Variants in RNF13 observed in about 807,000 individuals in gnomAD.
RNF13 encodes the protein ring finger protein 13, also known as E3 ubiquitin-protein ligase RNF13.
In RNF13, 19 loss-of-function variants were observed where a neutral mutation model predicts 37.7. The ratio of observed to expected loss-of-function variants is 0.50; its 90% confidence interval spans 0.35 to 0.74. The LOEUF (loss-of-function observed/expected upper bound fraction) is 0.74, where lower values mean the gene tolerates loss of function less well. RNF13 is among the 30% of genes least tolerant of loss of function. RNF13 has a pLI of 0.01. For missense variants in RNF13, 375 were observed against 453.0 expected, an observed-to-expected ratio of 0.83 and a Z score of 1.56; for synonymous variants, 144 against 157.8, an observed-to-expected ratio of 0.91 and a Z score of 0.65.
intron 6 of RNF13, among the ~76,000 whole-genome samples, chr3:149,903,657 C>T (rs1716078707): frequency 6.6e-6 from 1 of 152,082 alleles, no homozygotes; most frequent in Non-Finnish European, 1.5e-5. Context: ...TCTTATCCCA[C>T]CTCTTGGCTA....
intron 2 of RNF13, among the ~76,000 whole-genome samples, chr3:149,848,728 GTGTT>G (rs1377178319): frequency 6.6e-6 from 1 of 151,668 alleles, no homozygotes. Context: ...GTTTTGTTTT[GTGTT>G]TTTTTTGTTT....
Position 149,865,119 on chromosome 3 carries a change from G to A in RNF13, c.196-6910G>A, listed in dbSNP as rs193056388. Among the ~76,000 whole-genome samples, 359 of 151,764 alleles carry A rather than the reference G, an allele frequency of 2.4e-3. 1 individual carries two copies. Among genetic ancestry groups the A allele is most frequent in the Middle Eastern group, 6.8e-3 (2 of 294 alleles). On this transcript the variant is annotated intron_variant, in intron 3 of 9. Coordinates refer to ENST00000392894, the MANE Select transcript of RNF13 (RefSeq NM_183381.3). ...GGGACAACCAAAATTCCAAAACCAAGAGAAGAAAAATTAGGCATTTGGAGT... is the reference window on the plus strand; with the variant it reads ...GGGACAACCAAAATTCCAAAACCAAAAGAAGAAAAATTAGGCATTTGGAGT...
chr3:149,868,634 C>CCTTT (rs1711612995), intron 3 of RNF13, among the ~76,000 whole-genome samples: 1 of 150,706 alleles, frequency 6.6e-6, no homozygotes, highest in Non-Finnish European at 1.5e-5. Flanking sequence ...TCTGTTCTTT[C>CCTTT]CTTTCTTTCT....
intron 8 of RNF13, among the ~76,000 whole-genome samples, chr3:149,924,319 GA>G (rs1718433213): frequency 6.6e-6 from 1 of 152,128 alleles, no homozygotes; most frequent in Non-Finnish European, 1.5e-5. Context: ...AGAGAGGTCT[GA>G]ACTGGAAATA....
chr3:149,921,191 C>A lies in RNF13; in HGVS notation c.664C>A (p.Gln222Lys). 7.0e-7 allele frequency: 1 copy of A among 1,428,294 alleles called. No individual in the cohort carries two copies. Among genetic ancestry groups the A allele is most frequent in the South Asian group, 1.7e-5 (1 of 59,386 alleles). 88.5% of individuals were successfully genotyped at this position (1,428,294 alleles called of 1,614,324 possible). A position where few individuals can be genotyped will look rare whatever the true frequency, so the allele number is the denominator to read the frequency against. ...TAGAAGAAACAGACTTCGTAAAGATCAACTTAAGAAACTTCCTGTACATAA... is the reference window on the plus strand; with the variant it reads ...TAGAAGAAACAGACTTCGTAAAGATAAACTTAAGAAACTTCCTGTACATAA... ...RARRNRLRKD[Q>K]LKKLPVHKFK... The change falls in exon 8 of 10, where the codon CAA becomes AAA. Residue 222 changes from glutamine to lysine, a missense_variant. Gln to Lys is a moderately conservative substitution (Grantham distance 53, BLOSUM62 1). Transcript: ENST00000392894.
intron 8 of RNF13, among the ~76,000 whole-genome samples, chr3:149,941,275 A>C (rs1720231335): frequency 6.6e-6 from 1 of 152,098 alleles, no homozygotes; most frequent in Non-Finnish European, 1.5e-5. Context: ...GTATCTCCTT[A>C]CTGCTTGCTC....
At chr3:149,948,324 A>G (rs1720977212) in intron 8 of RNF13, among the ~76,000 whole-genome samples, 1 of 152,104 alleles carries the variant, frequency 6.6e-6, no homozygotes, top group Admixed American at 6.6e-5. Context: ...TAGCCATTCA[A>G]TCAATGTCTT....
rs552740380 is a variant in RNF13, at chr3:149,920,392, C to T, written c.607-742C>T. On this transcript the variant is annotated intron_variant, in intron 7 of 9. Coordinates refer to ENST00000392894, the MANE Select transcript of RNF13 (RefSeq NM_183381.3). ...CTGGAACTACAGGCACACGGCAATG[C>T]GCCAGGCTAATTTTTTTCTTTTTAG... Among the ~76,000 whole-genome samples the T allele has an allele frequency of 4.2e-4, 64 of 151,706 alleles. 1 individual carries two copies. In the South Asian group the frequency reaches 0.013, roughly 30 times the overall value.
At chr3:149,836,388 C>A (rs1255305630) in intron 1 of RNF13, among the ~76,000 whole-genome samples, 1 of 151,890 alleles carries the variant, frequency 6.6e-6, no homozygotes, top group Non-Finnish European at 1.5e-5. Flanking sequence ...CAAGTCAAGA[C>A]CACAATGAGA....
At chr3:149,827,639 A>G (rs1208844708) in intron 1 of RNF13, among the ~76,000 whole-genome samples, 1 of 152,226 alleles carries the variant, frequency 6.6e-6, no homozygotes, top group Non-Finnish European at 1.5e-5. Flanking sequence ...ACACTAAACA[A>G]TAAACATAAC....
intron 2 of RNF13, 26 bp from the exon 3 acceptor site, chr3:149,852,490 T>C (rs763318915): frequency 8.4e-7 from 1 of 1,185,620 alleles, no homozygotes; most frequent in Non-Finnish European, 1.2e-6. Context: ...TGGTCTTAAC[T>C]TGAATATTTA....
chr3:149,935,930 A>G (rs1391220731), intron 8 of RNF13, among the ~76,000 whole-genome samples: 3 of 152,088 alleles, frequency 2.0e-5, no homozygotes, highest in Non-Finnish European at 4.4e-5. Context: ...TTTTTATAAG[A>G]TGAATTCCTT....
In RNF13 at chr3:149,895,562, T is replaced by A; in HGVS notation, c.409+2T>A. 6.5e-7 allele frequency: 1 copy of A among 1,549,688 alleles called. No individual in the cohort carries two copies. The highest frequency in any genetic ancestry group is 8.9e-7 in the Non-Finnish European group (1 of 1,127,814). On this transcript the variant is annotated splice_donor_variant, in intron 5 of 9. Coordinates refer to ENST00000392894, the MANE Select transcript of RNF13 (RefSeq NM_183381.3). LOFTEE classifies it high-confidence loss of function. ...TCATTAGCATGGGATCCAACGACAGTAAGTACAGGTATCACTTTTCTTCTC... is the reference window on the plus strand; with the variant it reads ...TCATTAGCATGGGATCCAACGACAGAAAGTACAGGTATCACTTTTCTTCTC...
At chr3:149,950,709 C>G (rs1461490075) in intron 8 of RNF13, among the ~76,000 whole-genome samples, 2 of 151,610 alleles carry the variant, frequency 1.3e-5, no homozygotes, top group Non-Finnish European at 2.9e-5. Flanking sequence ...CATCTGGAAT[C>G]AAGCACTCCT....
intron 8 of RNF13, among the ~76,000 whole-genome samples, chr3:149,926,244 C>T (rs899697608): frequency 4.6e-5 from 7 of 152,162 alleles, no homozygotes; most frequent in African/African-American, 1.7e-4. Context: ...CGGAGTCTCG[C>T]TCTGTCCCCT....
intron 4 of RNF13, among the ~76,000 whole-genome samples, chr3:149,883,037 A>G (rs1440602625): frequency 1.3e-5 from 2 of 152,180 alleles, no homozygotes; most frequent in Admixed American, 6.5e-5. Context: ...CAACAGCAGC[A>G]TTCTCCTACA....
chr3:149,835,667 T>TTGTGTGTG (rs1553751536), intron 1 of RNF13, among the ~76,000 whole-genome samples: 1 of 87,998 alleles, frequency 1.1e-5, no homozygotes, highest in African/African-American at 3.9e-5. Flanking sequence ...GTGTGTGTGT[T>TTGTGTGTG]TGTGTGTGTG....
intron 4 of RNF13, among the ~76,000 whole-genome samples, chr3:149,877,472 CTTT>C (rs369676407): frequency 7.9e-5 from 8 of 101,478 alleles, no homozygotes; most frequent in African/African-American, 3.0e-4. Flanking sequence ...TTCTTTCTGT[CTTT>C]TTTTTTTTTT....
At chr3:149,907,542 G>A (rs145544767) in intron 6 of RNF13, among the ~76,000 whole-genome samples, 24 of 152,258 alleles carry the variant, frequency 1.6e-4, no homozygotes, top group Middle Eastern at 3.4e-3. Flanking sequence ...CCGACTATAA[G>A]CATGACCTCT....
Sources: allele counts gnomAD v4.1 joint callset (sites outside exome capture counted in the v4.1 genomes callset), GRCh38; gene constraint gnomAD v4.1.1; transcripts MANE v1.5; gene names NCBI Gene and HGNC (gene_info 2026-07-23, HGNC 2026-07-21).